TYRO3: variants seen among roughly 807,000 people sequenced by gnomAD.
TYRO3 encodes TYRO3 protein tyrosine kinase.
Under a neutral mutation model 95.2 loss-of-function variants are expected in TYRO3, and 38 were observed. That is an observed-to-expected ratio of 0.40 (90% CI 0.31 to 0.52). The LOEUF (loss-of-function observed/expected upper bound fraction) is 0.52, where lower values mean the gene tolerates loss of function less well. Ranked by LOEUF, TYRO3 falls within the 20% of genes least tolerant of loss-of-function variation. The pLI is 0.56. For synonymous variants in TYRO3, 367 were observed against 432.9 expected, an observed-to-expected ratio of 0.85 and a Z score of 1.89; for missense variants, 812 against 1,116.4, an observed-to-expected ratio of 0.73 and a Z score of 3.89.
rs35205912 is a variant in TYRO3, at chr15:41,569,297, TAA to T, written c.1252+292_1252+293del. Among the ~76,000 whole-genome samples, 394 of 138,544 alleles carry T rather than the reference TAA, an allele frequency of 2.8e-3. 4 individuals are homozygous for T. The highest frequency in any genetic ancestry group is 0.02 in the South Asian group (85 of 4,318). 90.9% of individuals were successfully genotyped at this position (138,544 alleles called of 152,430 possible). A position where few individuals can be genotyped will look rare whatever the true frequency, so the allele number is the denominator to read the frequency against. ...CAAGACTCTGTCTCTACAAAAAAAT[TAA>T]AAAAAAAAAAAAAAAACAATTAGCC... On this transcript the variant is annotated intron_variant, in intron 9 of 18. Transcript: ENST00000263798.
Position 41,579,361 on chromosome 15 carries a change from C to A in TYRO3, c.*1085C>A, listed in dbSNP as rs28375396. On this transcript the variant is annotated 3_prime_UTR_variant, in exon 19 of 19. Transcript: ENST00000263798. ...TAAGGTTTTGTCTCTTTTTTTTTTT[C>A]TTTTTTTTTGAGACAGTCTCACTGT... The A allele has an allele frequency of 3.5e-5, 5 of 142,080 alleles. No homozygotes were observed. The highest frequency in any genetic ancestry group is 7.8e-5 in the African/African-American group (3 of 38,646). 8.8% of individuals were successfully genotyped at this position (142,080 alleles called of 1,614,324 possible).
At position 41,568,296 on chromosome 15, in the gene TYRO3, C is replaced by A. The variant is rs761526660; in HGVS notation, c.1041C>A (p.Pro347=). The part of the protein sequence containing the change: ...GLILEWEEVI[P]EAPLEGPLGP... ...TCTTGGAGTGGGAAGAAGTGATCCCCGAGGCCCCTTTGGAAGGCCCCCTGG... is the reference window on the plus strand; with the variant it reads ...TCTTGGAGTGGGAAGAAGTGATCCCAGAGGCCCCTTTGGAAGGCCCCCTGG... The change falls in exon 8 of 19, where the codon CCC becomes CCA. Residue 347 remains proline, a synonymous_variant. Coordinates refer to ENST00000263798, the MANE Select transcript of TYRO3 (RefSeq NM_006293.4). 6.2e-7 allele frequency: 1 copy of A among 1,613,956 alleles called. No individual in the cohort carries two copies. The highest frequency in any genetic ancestry group is 2.2e-5 in the East Asian group (1 of 44,878).
Position 41,560,428 on chromosome 15 carries a change from T to TGTGTGCGC in TYRO3, c.125-698_125-697insTGTGCGCG, listed in dbSNP as rs1408766845. 5.1e-3 allele frequency among the ~76,000 whole-genome samples: 696 copies of TGTGTGCGC among 135,274 alleles called. 6 individuals are homozygous for TGTGTGCGC. The highest frequency in any genetic ancestry group is 0.016 in the Admixed American group (229 of 13,912). 88.7% of individuals were successfully genotyped at this position (135,274 alleles called of 152,430 possible). ...GTGTGTGTGTGTGTGTGTGTGTGTG[T>TGTGTGCGC]GCGCGCGCGCGCGCGCGCTCGCACG... On this transcript the variant is annotated intron_variant, in intron 1 of 18. Transcript: ENST00000263798.
At chr15:41,576,645 CTT>C (rs971951671) in intron 18 of TYRO3, among the ~76,000 whole-genome samples, 5 of 101,076 alleles carry the variant, frequency 4.9e-5, no homozygotes, top group Non-Finnish European at 9.3e-5. Context: ...AGTAGGTTTC[CTT>C]TTTTTTTTTT....
intron 9 of TYRO3, among the ~76,000 whole-genome samples, 198 bp from the exon 10 acceptor site, chr15:41,569,829 C>T (rs966229484): frequency 3.9e-5 from 6 of 152,186 alleles, no homozygotes; most frequent in African/African-American, 1.4e-4. Context: ...CCATGGTCAC[C>T]CTCTAGGTCA....
intron 14 of TYRO3, 55 bp from the exon 15 acceptor site, chr15:41,572,388 C>T (rs1041708723): frequency 9.0e-6 from 14 of 1,561,622 alleles, no homozygotes; most frequent in Admixed American, 1.7e-5. Flanking sequence ...TATGCAGACA[C>T]CTGAACTGCC....
chr15:41,566,582 C>T (rs973400725), intron 6 of TYRO3, among the ~76,000 whole-genome samples: 1 of 152,190 alleles, frequency 6.6e-6, no homozygotes, highest in Non-Finnish European at 1.5e-5. Context: ...ATGACCACCT[C>T]TAAGCCCAAG....
chr15:41,572,625 G>A, intron 15 of TYRO3, 61 bp downstream of exon 15: 2 of 1,420,754 alleles, frequency 1.4e-6, no homozygotes, highest in Admixed American at 3.8e-5. Flanking sequence ...GCCTGGAAAG[G>A]CATAGAGACC....
At chr15:41,572,883 C>T (rs1051262762) in intron 15 of TYRO3, 119 bp from the exon 16 acceptor site, 4 of 836,418 alleles carry the variant, frequency 4.8e-6, no homozygotes, top group Non-Finnish European at 7.5e-6. Flanking sequence ...CCTCCATCCC[C>T]TTCCTTCCTT....
chr15:41,578,136 A>C lies in TYRO3; in HGVS notation c.2533A>C (p.Ser845Arg). 1 of 1,613,920 alleles carries C rather than the reference A, an allele frequency of 6.2e-7. No individual in the cohort carries two copies. The highest frequency in any genetic ancestry group is 8.5e-7 in the Non-Finnish European group (1 of 1,180,016). ...CATGGGGGCAGTGGGTGGCACTCCC[A>C]GTGACTGTCGGTACATACTCACCCC... is the stretch of plus-strand genomic sequence containing the variant. Reference protein sequence around the residue: ...SGMGAVGGTPSDCRYILTPGG... With the variant: ...SGMGAVGGTPRDCRYILTPGG... Residue 845 changes from serine (S) to arginine (R), a missense_variant, in exon 19 of 19, where the codon AGT (serine) becomes CGT (arginine). Ser to Arg is a moderately radical substitution (Grantham distance 110). Coordinates refer to ENST00000263798, the MANE Select transcript of TYRO3 (RefSeq NM_006293.4).
At chr15:41,576,905 C>A in intron 18 of TYRO3, among the ~76,000 whole-genome samples, 1 of 151,600 alleles carries the variant, frequency 6.6e-6, no homozygotes, top group East Asian at 1.9e-4. Flanking sequence ...GTCAAAGGAT[C>A]TTTTAGCCTC....
rs780587310 is a variant in TYRO3 at position 41,569,014 on chromosome 15, A to G, written c.1244A>G (p.Asp415Gly). Reference protein sequence around the residue: ...WSQPLVVSSHDRAGQQGPPHS... With the variant: ...WSQPLVVSSHGRAGQQGPPHS... ...CAGCCACTGGTGGTCTCTTCTCATG[A>G]CCGTGCAGGTGAGGCTTGTAGGTGG... The change falls in exon 9 of 19, where the codon GAC becomes GGC. Residue 415 changes from aspartate (D) to glycine (G), a missense_variant. By Grantham distance (94) the Asp-to-Gly change is moderately conservative. Transcript: ENST00000263798. The G allele has an allele frequency of 6.2e-7, 1 of 1,613,962 alleles. No homozygotes were observed. The highest frequency in any genetic ancestry group is 1.7e-5 in the Admixed American group (1 of 59,996).
In TYRO3 at chr15:41,570,347, G is replaced by A. The variant is rs568298841; in HGVS notation, c.1483+7G>A. Reference sequence around the variant, plus strand: ...GAGCGCATCGAGGCCACATGTGAGTGGTGGGTGATCGTGGGAAGGACAAAT... The same window carrying A: ...GAGCGCATCGAGGCCACATGTGAGTAGTGGGTGATCGTGGGAAGGACAAAT... On this transcript the variant is annotated splice_region_variant and intron_variant, in intron 11 of 18. Coordinates refer to ENST00000263798, the MANE Select transcript of TYRO3 (RefSeq NM_006293.4). The A allele has an allele frequency of 7.4e-6, 12 of 1,613,402 alleles. No homozygotes were observed. The highest frequency in any genetic ancestry group is 1.0e-5 in the Non-Finnish European group (12 of 1,179,618).
intron 17 of TYRO3, 55 bp downstream of exon 17, chr15:41,573,522 A>G (rs1342821943): frequency 1.3e-6 from 2 of 1,568,458 alleles, no homozygotes; most frequent in Non-Finnish European, 1.7e-6. Context: ...GCAGACCTTT[A>G]GGATCCTTAA....
intron 1 of TYRO3, among the ~76,000 whole-genome samples, chr15:41,560,075 C>G (rs1428850767): frequency 6.6e-6 from 1 of 152,220 alleles, no homozygotes; most frequent in Non-Finnish European, 1.5e-5. Context: ...GGGAGGCTGG[C>G]CCCCATCCTG....
At chr15:41,561,034 T>C (rs991184664) in intron 1 of TYRO3, 93 bp from the exon 2 acceptor site, 27 of 1,502,414 alleles carry the variant, frequency 1.8e-5, no homozygotes, top group Non-Finnish European at 2.4e-5. Flanking sequence ...GCCCTCTGTC[T>C]GACACAGAAG....
At chr15:41,573,607 C>T (rs1210002466) in intron 17 of TYRO3, 72 bp from the exon 18 acceptor site, 1 of 1,447,888 alleles carries the variant, frequency 6.9e-7, no homozygotes, top group Non-Finnish European at 9.4e-7. Context: ...GTGCTTGTCT[C>T]AGAGCCATGG....
chr15:41,571,241 G>T, intron 13 of TYRO3, 123 bp downstream of exon 13: 2 of 879,782 alleles, frequency 2.3e-6, no homozygotes, highest in Non-Finnish European at 3.7e-6. Context: ...CACTAACTGG[G>T]ATGCTCTTTA....
At chr15:41,572,967 A>G (rs764376590) in intron 15 of TYRO3, 35 bp from the exon 16 acceptor site, 2 of 931,918 alleles carry the variant, frequency 2.1e-6, no homozygotes. Flanking sequence ...CTGGGTGGGC[A>G]GGTTAAGCCT....
Sources: allele counts gnomAD v4.1 joint callset (sites outside exome capture counted in the v4.1 genomes callset), GRCh38; gene constraint gnomAD v4.1.1; transcripts MANE v1.5; gene names NCBI Gene and HGNC (gene_info 2026-07-23, HGNC 2026-07-21).